Variants in CDK6 observed in about 807,000 individuals in gnomAD.
CDK6 encodes cyclin dependent kinase 6, also known as cyclin-dependent kinase 6.
Under a neutral mutation model 37.1 loss-of-function variants are expected in CDK6, and 6 were observed. The ratio of observed to expected loss-of-function variants is 0.16; its 90% confidence interval spans 0.09 to 0.32. The LOEUF (loss-of-function observed/expected upper bound fraction) is 0.32. Ranked by LOEUF, CDK6 falls within the 10% of genes least tolerant of loss-of-function variation. The pLI, the probability that CDK6 is intolerant of heterozygous loss-of-function variation, is 1.00. For missense variants in CDK6, 224 were observed against 418.9 expected (o/e 0.53, Z 4.06); for synonymous variants, 160 against 161.3 (o/e 0.99, Z 0.06).
In CDK6 at chr7:92,653,095, T is replaced by C. The variant is rs190637212; in HGVS notation, c.647+18331A>G. Among the ~76,000 whole-genome samples the C allele has an allele frequency of 1.9e-3, 296 of 152,318 alleles. 1 individual carries two copies. Among genetic ancestry groups the C allele is most frequent in the African/African-American group, 6.8e-3 (284 of 41,538 alleles). ...ATTTTCTTTCCTTTGTGTATAGCTT[T>C]AATAGAAACGTATTTTATCCTTGTA... is the stretch of plus-strand genomic sequence containing the variant. On this transcript the variant is annotated intron_variant, in intron 5 of 7. Coordinates refer to ENST00000424848, the MANE Select transcript of CDK6 (RefSeq NM_001145306.2).
Position 92,834,060 on chromosome 7 carries a change from T to C in CDK6, c.-367-370A>G, listed in dbSNP as rs1801577786. On this transcript the variant is annotated intron_variant, in intron 1 of 7. Transcript: ENST00000424848. The surrounding 1 kb of genome is among the most constrained non-coding windows in gnomAD (Gnocchi z 4.6). The stretch of plus-strand genomic sequence containing the variant: ...TGTCACGGCTTAATATTTATCCCTA[T>C]ATCATTGTGTTGCGCCGCTACCCTC... The C allele has an allele frequency of 5.1e-6, 2 of 391,178 alleles. No homozygotes were observed. The highest frequency in any genetic ancestry group is 9.0e-6 in the Non-Finnish European group (2 of 222,042). The allele number at this position is 391,178 out of a possible 1,614,324, so 24.2% of individuals were successfully genotyped here.
intron 2 of CDK6, among the ~76,000 whole-genome samples, chr7:92,779,802 G>A (rs533400461): frequency 6.6e-6 from 1 of 152,238 alleles, no homozygotes; most frequent in Admixed American, 6.5e-5. Context: ...AGTTATATTA[G>A]TCACAATGGG....
chr7:92,713,426 T>TA (rs1474236943), intron 4 of CDK6, among the ~76,000 whole-genome samples: 7 of 152,302 alleles, frequency 4.6e-5, no homozygotes, highest in African/African-American at 1.4e-4. Context: ...TATGCAGTTT[T>TA]ATTAAAGCTA....
intron 3 of CDK6, among the ~76,000 whole-genome samples, chr7:92,742,716 A>G (rs564996476): frequency 2.0e-5 from 3 of 149,860 alleles, no homozygotes; most frequent in East Asian, 3.9e-4. Context: ...AAAATTTTAT[A>G]TGTATAAAAT....
intron 3 of CDK6, among the ~76,000 whole-genome samples, chr7:92,731,371 C>T (rs1169477450): frequency 1.3e-5 from 2 of 152,158 alleles, no homozygotes; most frequent in Non-Finnish European, 2.9e-5. Flanking sequence ...TCCATATCAC[C>T]TGGAAAGTTG....
chr7:92,832,530 T>C (rs555351496), intron 2 of CDK6, among the ~76,000 whole-genome samples: 6 of 152,218 alleles, frequency 3.9e-5, no homozygotes, highest in Admixed American at 6.5e-5. Flanking sequence ...CCAGGAGTCA[T>C]TCTTACTACG....
chr7:92,636,723 T>C (rs953702002), intron 5 of CDK6, among the ~76,000 whole-genome samples: 5 of 152,180 alleles, frequency 3.3e-5, no homozygotes, highest in African/African-American at 1.2e-4. Context: ...TGGAGTGCAG[T>C]GGCGCAATCT....
intron 5 of CDK6, among the ~76,000 whole-genome samples, chr7:92,633,999 T>C (rs1284419813): frequency 6.6e-6 from 1 of 152,178 alleles, no homozygotes; most frequent in African/African-American, 2.4e-5. Context: ...TCACATGCTT[T>C]TTAACTTGGC....
chr7:92,732,419 G>T (rs1370200538), intron 3 of CDK6, among the ~76,000 whole-genome samples: 7 of 151,846 alleles, frequency 4.6e-5, no homozygotes, highest in Admixed American at 4.6e-4. Context: ...AACAGAAGAA[G>T]AAATTTTAAT....
chr7:92,673,130 C>T (rs1797127815), intron 4 of CDK6, among the ~76,000 whole-genome samples: 1 of 152,160 alleles, frequency 6.6e-6, no homozygotes, highest in African/African-American at 2.4e-5. Flanking sequence ...GGTTGACAGC[C>T]CCAGTTGAGC....
rs775824490 is a variant in CDK6, at chr7:92,611,150, A to G, written c.*3990T>C. 5.4e-4 allele frequency: 123 copies of G among 226,924 alleles called. No homozygotes were observed. The highest frequency in any genetic ancestry group is 8.5e-4 in the Non-Finnish European group (97 of 114,288). The allele number at this position is 226,924 out of a possible 1,614,324, so 14.1% of individuals were successfully genotyped here. On this transcript the variant is annotated 3_prime_UTR_variant, in exon 8 of 8. Transcript: ENST00000424848. ...ATTTTCTCCAGAATTTCCTTTATCTATTGCCCACTGTTTTATGAATAATTT... is the reference window on the plus strand; with the variant it reads ...ATTTTCTCCAGAATTTCCTTTATCTGTTGCCCACTGTTTTATGAATAATTT...
intron 2 of CDK6, among the ~76,000 whole-genome samples, chr7:92,780,710 G>A (rs1479938030): frequency 3.4e-5 from 5 of 147,174 alleles, no homozygotes; most frequent in African/African-American, 5.0e-5. Context: ...GCAGTGAGCC[G>A]AGACCGTGCC....
At chr7:92,774,561 T>C (rs1799798887) in intron 3 of CDK6, 135 bp downstream of exon 3, 1 of 712,256 alleles carries the variant, frequency 1.4e-6, no homozygotes, top group East Asian at 3.0e-5. Context: ...CTTTGAACAT[T>C]TTCTTTGATT....
intron 3 of CDK6, among the ~76,000 whole-genome samples, chr7:92,757,204 G>C (rs1402993331): frequency 3.3e-5 from 5 of 152,034 alleles, no homozygotes; most frequent in Admixed American, 2.6e-4. Flanking sequence ...TTTTATATAG[G>C]TAAACTTGTG....
chr7:92,669,094 A>G (rs980119699), intron 5 of CDK6, among the ~76,000 whole-genome samples: 6 of 152,348 alleles, frequency 3.9e-5, no homozygotes, highest in African/African-American at 1.4e-4. Flanking sequence ...TGAGCCTCCA[A>G]TATTTGAGTC....
At chr7:92,766,206 T>C (rs573491884) in intron 3 of CDK6, among the ~76,000 whole-genome samples, 3 of 152,242 alleles carry the variant, frequency 2.0e-5, no homozygotes, top group African/African-American at 7.2e-5. Flanking sequence ...GGATGGTCCA[T>C]AAAGGGGCAG....
chr7:92,647,621 G>T, intron 5 of CDK6, among the ~76,000 whole-genome samples: 1 of 152,198 alleles, frequency 6.6e-6, no homozygotes, highest in East Asian at 1.9e-4. Flanking sequence ...CTATGTGCTG[G>T]ATATAGTTCT....
chr7:92,731,277 G>A (rs1028315649), intron 3 of CDK6, among the ~76,000 whole-genome samples: 1 of 152,228 alleles, frequency 6.6e-6, no homozygotes, highest in Non-Finnish European at 1.5e-5. Flanking sequence ...AGGACCCAAA[G>A]AATGCTTCAT....
intron 2 of CDK6, among the ~76,000 whole-genome samples, chr7:92,790,821 G>A (rs1417270199): frequency 6.6e-6 from 1 of 152,142 alleles, no homozygotes; most frequent in African/African-American, 2.4e-5. Context: ...AACTGTCAGA[G>A]TATCAAGAGT....
Sources: gnomAD v4.1 joint callset for allele counts (sites outside exome capture counted in the v4.1 genomes callset) on GRCh38, gnomAD v4.1.1 for gene constraint, Gnocchi (gnomAD v3.1) non-coding constraint, MANE v1.5 for transcripts, NCBI Gene and HGNC (gene_info 2026-07-23, HGNC 2026-07-21) for gene names.